ZHX2: variants seen among roughly 807,000 people sequenced by gnomAD.
ZHX2 encodes zinc fingers and homeoboxes protein 2.
ZHX2 carries 6 observed loss-of-function variants against 21.9 expected under a neutral mutation model. That is an observed-to-expected ratio of 0.27 (90% confidence interval 0.15 to 0.54). ZHX2 has a LOEUF of 0.54. ZHX2 is among the 20% of genes least tolerant of loss of function. The pLI, the probability that ZHX2 is intolerant of heterozygous loss-of-function variation, is 0.95. For synonymous variants in ZHX2, 434 were observed against 437.1 expected (o/e 0.99, Z 0.09); for missense variants, 908 against 1,090.7 (o/e 0.83, Z 2.36).
chr8:122,916,829 C>T (rs188530480), intron 2 of ZHX2, among the ~76,000 whole-genome samples: 2 of 152,272 alleles, frequency 1.3e-5, no homozygotes, highest in Admixed American at 1.3e-4. Flanking sequence ...CTCCACACTC[C>T]CCACCCCTTC....
At position 122,952,055 on chromosome 8, in the gene ZHX2, G is replaced by C. The variant is rs764393751; in HGVS notation, c.545G>C (p.Ser182Thr). The C allele has an allele frequency of 1.2e-6, 2 of 1,613,094 alleles. No homozygotes were observed. Among genetic ancestry groups the C allele is most frequent in the Admixed American group, 3.3e-5 (2 of 59,954 alleles). The change falls in exon 3 of 4, where the codon AGT becomes ACT. Residue 182 changes from serine (S) to threonine (T), a missense_variant. By Grantham distance (58) the Ser-to-Thr change is moderately conservative. Transcript: ENST00000314393. The surrounding 1 kb of genome is among the most constrained non-coding windows in gnomAD (Gnocchi z 6.9). ...GACAGTGATTCTGGGATCTCGGTGAGTAAAACCCCCATCATGAAGCCTGGA... is the reference window on the plus strand; with the variant it reads ...GACAGTGATTCTGGGATCTCGGTGACTAAAACCCCCATCATGAAGCCTGGA... ...TGDSDSGISVSKTPIMKPGKP... is the reference protein window; with the variant it reads ...TGDSDSGISVTKTPIMKPGKP...
chr8:122,963,872 T>A (rs1248944472), intron 3 of ZHX2, among the ~76,000 whole-genome samples: 3 of 91,252 alleles, frequency 3.3e-5, no homozygotes, highest in Non-Finnish European at 6.2e-5. Context: ...AGTTGGGTTT[T>A]TTTTGTTGTT....
rs538199625 is a variant in ZHX2, at chr8:122,869,587, G to A, written c.-220+6048G>A. Among the ~76,000 whole-genome samples, 64 of 152,326 alleles carry A rather than the reference G, an allele frequency of 4.2e-4. No homozygotes were observed. In the South Asian group the frequency reaches 0.012, roughly 29 times the overall value. On this transcript the variant is annotated intron_variant, in intron 2 of 3. Coordinates refer to ENST00000314393, the MANE Select transcript of ZHX2 (RefSeq NM_014943.5). ...ACACAGGCTCCCTCAGGGAGCTGTC[G>A]CCGGGAGGCCCAGGCAGGGGCATCA...
chr8:122,934,529 G>C (rs1357734329), intron 2 of ZHX2, among the ~76,000 whole-genome samples: 2 of 152,156 alleles, frequency 1.3e-5, no homozygotes, highest in Non-Finnish European at 2.9e-5. Flanking sequence ...TCCCACTCCA[G>C]TGCCCTATGG....
chr8:122,842,273 C>T (rs1818647648), intron 1 of ZHX2, among the ~76,000 whole-genome samples: 1 of 152,240 alleles, frequency 6.6e-6, no homozygotes. Context: ...GCACCTTCTT[C>T]TCTCAGGGCC....
chr8:122,893,534 A>G (rs1398271045), intron 2 of ZHX2, among the ~76,000 whole-genome samples: 1 of 152,118 alleles, frequency 6.6e-6, no homozygotes, highest in African/African-American at 2.4e-5. Context: ...AAAAAAACGA[A>G]AAGTTTGACT....
At chr8:122,901,993 T>A (rs953637057) in intron 2 of ZHX2, among the ~76,000 whole-genome samples, 1 of 152,202 alleles carries the variant, frequency 6.6e-6, no homozygotes, top group Admixed American at 6.5e-5. Flanking sequence ...TCTGCCTTTT[T>A]TTCAGAAGCC....
chr8:122,910,591 T>A (rs2130002574), intron 2 of ZHX2, among the ~76,000 whole-genome samples: 1 of 152,304 alleles, frequency 6.6e-6, no homozygotes, highest in South Asian at 2.1e-4. Context: ...TGGCAGTCTC[T>A]CAGCTTGTTG....
Position 122,939,396 on chromosome 8 carries a change from T to G in ZHX2, c.-219-11896T>G, listed in dbSNP as rs530442593. Among the ~76,000 whole-genome samples, 5 of 139,410 alleles carry G rather than the reference T, an allele frequency of 3.6e-5. No individual in the cohort carries two copies. In the South Asian group the frequency reaches 1.2e-3, roughly 33 times the overall value. 91.5% of individuals were successfully genotyped at this position (139,410 alleles called of 152,430 possible). ...AGATGGTGGTGGAATCGAGCCGTCA[T>G]GAGAGATTTAGCCTTGCTTTTCATG... On this transcript the variant is annotated intron_variant, in intron 2 of 3. Transcript: ENST00000314393.
intron 3 of ZHX2, among the ~76,000 whole-genome samples, chr8:122,971,600 T>G (rs17370737): frequency 0.028 from 2,019 of 70,916 alleles, 25 homozygotes; most frequent in Middle Eastern, 0.07. Context: ...TCCTTGCTGT[T>G]GGCCCCTGTA....
In ZHX2 at chr8:122,793,634, TAGG is replaced by T. The variant is rs1379624296; in HGVS notation, c.-283+11691_-283+11693del. 7.2e-5 allele frequency among the ~76,000 whole-genome samples: 11 copies of T among 152,304 alleles called. No homozygotes were observed. The East Asian group carries it at 2.1e-3, about 29-fold the overall frequency. Reference sequence around the variant, plus strand: ...GAAGGGAGCACTAACTGATCTGTCATAGGAGATTTGGGAAATCAATTTTGAGAA... The same window carrying T: ...GAAGGGAGCACTAACTGATCTGTCATAGATTTGGGAAATCAATTTTGAGAA... On this transcript the variant is annotated intron_variant, in intron 1 of 3. Transcript: ENST00000314393.
intron 2 of ZHX2, among the ~76,000 whole-genome samples, chr8:122,895,070 T>C (rs1000116900): frequency 6.6e-6 from 1 of 152,198 alleles, no homozygotes; most frequent in African/African-American, 2.4e-5. Context: ...TCTCATATTG[T>C]TTTTCAATCA....
At chr8:122,784,396 A>G (rs995677986) in intron 1 of ZHX2, among the ~76,000 whole-genome samples, 11 of 152,234 alleles carry the variant, frequency 7.2e-5, no homozygotes, top group Non-Finnish European at 2.9e-5. Flanking sequence ...CAAGAGGTGA[A>G]GAAACTTGCC....
rs148180175 is a variant in ZHX2 at position 122,869,617 on chromosome 8, TCCA to T, written c.-220+6079_-220+6081del. ...GAGGCCCAGGCAGGGGCATCAGAAC[TCCA>T]TGCAGGTCCTGCAGCCTCCTCTGAG... On this transcript the variant is annotated intron_variant, in intron 2 of 3. Coordinates refer to ENST00000314393, the MANE Select transcript of ZHX2 (RefSeq NM_014943.5). Among the ~76,000 whole-genome samples, 395 of 152,286 alleles carry T rather than the reference TCCA, an allele frequency of 2.6e-3. 2 individuals are homozygous for T. Among genetic ancestry groups the T allele is most frequent in the African/African-American group, 9.2e-3 (383 of 41,556 alleles).
intron 2 of ZHX2, among the ~76,000 whole-genome samples, chr8:122,879,578 A>G (rs1264828569): frequency 8.0e-5 from 11 of 136,670 alleles, no homozygotes; most frequent in Non-Finnish European, 1.5e-4. Flanking sequence ...CATACTTGAT[A>G]TCTTCCACAA....
At chr8:122,911,566 GA>G (rs1158837838) in intron 2 of ZHX2, among the ~76,000 whole-genome samples, 6 of 152,164 alleles carry the variant, frequency 3.9e-5, no homozygotes, top group Non-Finnish European at 8.8e-5. Context: ...AAGAGACAAA[GA>G]AATATTAGTG....
At chr8:122,838,767 G>A (rs1481578226) in intron 1 of ZHX2, among the ~76,000 whole-genome samples, 1 of 151,844 alleles carries the variant, frequency 6.6e-6, no homozygotes, top group South Asian at 2.1e-4. Context: ...TAGTAGAGAC[G>A]GGGTTTCACC....
At chr8:122,934,241 ACAG>A in intron 2 of ZHX2, among the ~76,000 whole-genome samples, 1 of 152,308 alleles carries the variant, frequency 6.6e-6, no homozygotes, top group African/African-American at 2.4e-5. Context: ...AGTGTCGGAT[ACAG>A]CTGCAATTCA....
chr8:122,961,805 TGA>T (rs1321328280), intron 3 of ZHX2, among the ~76,000 whole-genome samples: 1 of 152,134 alleles, frequency 6.6e-6, no homozygotes, highest in East Asian at 1.9e-4. Context: ...CAATTCAAGA[TGA>T]GATTTGGGTG....
Sources: allele counts gnomAD v4.1 joint callset (sites outside exome capture counted in the v4.1 genomes callset), GRCh38; gene constraint gnomAD v4.1.1; non-coding constraint Gnocchi (gnomAD v3.1); transcripts MANE v1.5; gene names NCBI Gene and HGNC (gene_info 2026-07-23, HGNC 2026-07-21).